The following CHLSN variants were observed in gnomAD, a reference collection of about 807,000 sequenced individuals.
CHLSN encodes the protein cholesin.
At chr7:1,016,824 AGC>A in the CHLSN span, among the ~76,000 whole-genome samples, 2 of 103,986 alleles carry the variant, frequency 1.9e-5, no homozygotes, top group African/African-American at 9.3e-5. Flanking sequence ...AGCGCACAGC[AGC>A]GCACAGCAGC....
chr7:1,054,777 C>T, the CHLSN span, among the ~76,000 whole-genome samples: 1 of 152,238 alleles, frequency 6.6e-6, no homozygotes, highest in Non-Finnish European at 1.5e-5. Context: ...TTTCTCTGGC[C>T]ATGCCCATGT....
the CHLSN span, among the ~76,000 whole-genome samples, chr7:1,011,837 C>G: frequency 6.6e-6 from 1 of 152,310 alleles, no homozygotes; most frequent in South Asian, 2.1e-4. Flanking sequence ...GGAGCACCGT[C>G]CCTGGCAGAT....
chr7:1,092,485 C>G, the CHLSN span: 1 of 1,607,684 alleles, frequency 6.2e-7, no homozygotes. Flanking sequence ...GCTGCGGCCC[C>G]GGCGGCAGAA....
At chr7:1,056,725 G>C in the CHLSN span, 1 of 152,218 alleles carries the variant, frequency 6.6e-6, no homozygotes, top group Non-Finnish European at 1.5e-5. Context: ...GCATGGGAAC[G>C]ATGCCGTCTG....
the CHLSN span, among the ~76,000 whole-genome samples, chr7:1,072,445 G>C: frequency 1.3e-5 from 2 of 152,214 alleles, no homozygotes; most frequent in Non-Finnish European, 2.9e-5. Flanking sequence ...GTCAAATGGG[G>C]TCCAGTCAAG....
At chr7:993,808 G>A in the CHLSN span, among the ~76,000 whole-genome samples, 24 of 152,150 alleles carry the variant, frequency 1.6e-4, no homozygotes, top group African/African-American at 5.8e-4. Context: ...GGGGCTTGGA[G>A]GGAGGACAGT....
the CHLSN span, among the ~76,000 whole-genome samples, chr7:1,032,463 G>A: frequency 4.6e-5 from 7 of 151,446 alleles, no homozygotes; most frequent in Non-Finnish European, 5.9e-5. Context: ...CACCCACACC[G>A]CCAGGCACCC....
At chr7:1,042,498 C>A in the CHLSN span, among the ~76,000 whole-genome samples, 1 of 152,222 alleles carries the variant, frequency 6.6e-6, no homozygotes, top group African/African-American at 2.4e-5. Flanking sequence ...GTGTTTACAC[C>A]TCCAGCTACG....
the CHLSN span, chr7:1,026,466 C>T: frequency 2.0e-5 from 3 of 152,186 alleles, no homozygotes; most frequent in African/African-American, 7.2e-5. Context: ...CTGGGCTTCA[C>T]CTGTGGAAGC....
the CHLSN span, among the ~76,000 whole-genome samples, chr7:1,013,859 T>TA: frequency 6.6e-6 from 1 of 152,124 alleles, no homozygotes; most frequent in African/African-American, 2.4e-5. Context: ...TACAGAAAAA[T>TA]AAAAATTCCA....
At chr7:1,029,519 T>A in the CHLSN span, among the ~76,000 whole-genome samples, 1 of 152,228 alleles carries the variant, frequency 6.6e-6, no homozygotes, top group Admixed American at 6.5e-5. Flanking sequence ...TGCCTTGGCC[T>A]CCTAAAGCAC....
chr7:1,083,555 G>C, the CHLSN span, among the ~76,000 whole-genome samples: 3 of 152,108 alleles, frequency 2.0e-5, no homozygotes, highest in East Asian at 5.8e-4. Context: ...GTGAACCCGG[G>C]AGGTGGAGCT....
At chr7:1,013,800 A>T in the CHLSN span, among the ~76,000 whole-genome samples, 1 of 152,228 alleles carries the variant, frequency 6.6e-6, no homozygotes, top group Non-Finnish European at 1.5e-5. Flanking sequence ...CAATGCTAGG[A>T]CAGTCTTCAG....
chr7:979,948 T>C, the CHLSN span, among the ~76,000 whole-genome samples: 4 of 152,194 alleles, frequency 2.6e-5, no homozygotes, highest in Admixed American at 2.0e-4. Flanking sequence ...GGTGGATCTC[T>C]AGTACACTGC....
At chr7:1,040,652 C>T in the CHLSN span, among the ~76,000 whole-genome samples, 2 of 150,462 alleles carry the variant, frequency 1.3e-5, no homozygotes, top group African/African-American at 4.9e-5. Context: ...GAATTCTTAA[C>T]CATGACACCA....
the CHLSN span, among the ~76,000 whole-genome samples, chr7:992,471 G>A: frequency 1.3e-5 from 2 of 152,202 alleles, no homozygotes; most frequent in Non-Finnish European, 2.9e-5. Flanking sequence ...CTTTACCCAC[G>A]GAGACGCCGT....
At chr7:1,010,875 C>T in the CHLSN span, among the ~76,000 whole-genome samples, 1 of 152,064 alleles carries the variant, frequency 6.6e-6, no homozygotes, top group Admixed American at 6.5e-5. Context: ...AAAGTCAGAA[C>T]ATCAGTGTAG....
the CHLSN span, among the ~76,000 whole-genome samples, chr7:988,100 G>A: frequency 1.3e-5 from 2 of 151,850 alleles, no homozygotes; most frequent in East Asian, 3.9e-4. Flanking sequence ...GGGGCCCCTG[G>A]CTGTGTGCCC....
the CHLSN span, among the ~76,000 whole-genome samples, chr7:1,001,804 TAGG>T: frequency 1.0e-5 from 1 of 98,750 alleles, no homozygotes; most frequent in Non-Finnish European, 2.0e-5. Flanking sequence ...GTCCTGTGGG[TAGG>T]GAGTCCTGTG....
Sources: allele counts gnomAD v4.1 joint callset (sites outside exome capture counted in the v4.1 genomes callset), GRCh38; gene constraint gnomAD v4.1.1; transcripts MANE v1.5; gene names NCBI Gene and HGNC (gene_info 2026-07-23, HGNC 2026-07-21).